Variants in FRMD4A observed in about 807,000 individuals in gnomAD.
FRMD4A encodes FERM domain containing 4A, also known as FERM domain-containing protein 4A.
FRMD4A carries 29 observed loss-of-function variants against 129.1 expected under a neutral mutation model. The observed-to-expected ratio is 0.22, with a 90% CI of 0.17 to 0.31. The LOEUF (loss-of-function observed/expected upper bound fraction) is 0.31. FRMD4A is among the 10% of genes least tolerant of loss of function. The pLI is 1.00. For synonymous variants in FRMD4A, 634 were observed against 571.6 expected (o/e 1.11, Z -1.56); for missense variants, 1,272 against 1,375.8 (o/e 0.92, Z 1.19).
At chr10:14,315,830 T>A (rs1312115406) in intron 2 of FRMD4A, among the ~76,000 whole-genome samples, 1 of 152,232 alleles carries the variant, frequency 6.6e-6, no homozygotes, top group Non-Finnish European at 1.5e-5. Flanking sequence ...TACTAGCTCC[T>A]CTCACATGCC....
At chr10:13,940,386 C>A (rs748878325) in intron 2 of FRMD4A, among the ~76,000 whole-genome samples, 7 of 152,114 alleles carry the variant, frequency 4.6e-5, no homozygotes, top group Non-Finnish European at 1.0e-4. Context: ...AATGTGAGGT[C>A]TTTCCTACTG....
chr10:14,090,121 C>T (rs1401076971), intron 2 of FRMD4A, among the ~76,000 whole-genome samples: 6 of 152,074 alleles, frequency 3.9e-5, no homozygotes, highest in African/African-American at 1.5e-4. Context: ...TAGAAATAAC[C>T]GTAAGGGAAA....
intron 2 of FRMD4A, among the ~76,000 whole-genome samples, chr10:14,257,764 G>A (rs1053924296): frequency 2.6e-5 from 4 of 152,160 alleles, no homozygotes; most frequent in Admixed American, 1.3e-4. Flanking sequence ...AGTGCCACCC[G>A]CCACCAGAAG....
At chr10:13,914,151 G>A (rs888825565) in intron 2 of FRMD4A, among the ~76,000 whole-genome samples, 5 of 152,246 alleles carry the variant, frequency 3.3e-5, no homozygotes, top group African/African-American at 1.2e-4. Context: ...ATGCATGTTG[G>A]CCTAATTTCC....
chr10:14,057,343 T>A (rs111358665), intron 2 of FRMD4A, among the ~76,000 whole-genome samples: 1 of 152,176 alleles, frequency 6.6e-6, no homozygotes, highest in Non-Finnish European at 1.5e-5. Flanking sequence ...ATAAGCTGAA[T>A]ATAGTATCTT....
chr10:14,214,779 T>C (rs980295298), intron 2 of FRMD4A, among the ~76,000 whole-genome samples: 2 of 152,188 alleles, frequency 1.3e-5, no homozygotes, highest in Non-Finnish European at 2.9e-5. Flanking sequence ...AATTGTAGCA[T>C]TCTGTGAAAT....
chr10:13,987,649 T>C (rs899421545), intron 2 of FRMD4A, among the ~76,000 whole-genome samples: 1 of 152,128 alleles, frequency 6.6e-6, no homozygotes, highest in Admixed American at 6.6e-5. Flanking sequence ...GTTATAGAAA[T>C]GAGTGACTCA....
chr10:13,877,183 T>C (rs758106315), intron 2 of FRMD4A, among the ~76,000 whole-genome samples: 1 of 152,170 alleles, frequency 6.6e-6, no homozygotes, highest in Non-Finnish European at 1.5e-5. Flanking sequence ...GTTTTCCAAA[T>C]TCCACCCTTG....
rs753345980 is a variant in FRMD4A at position 13,657,294 on chromosome 10, G to A, written c.2295C>T (p.Asn765=). 3 of 1,609,266 alleles carry A rather than the reference G, an allele frequency of 1.9e-6. No homozygotes were observed. The highest frequency in any genetic ancestry group is 2.7e-5 in the African/African-American group (2 of 74,898). The stretch of plus-strand genomic sequence containing the variant: ...CCTCGGCCAGCGTGGAGTAGTTGGC[G>A]TTCATCTGCGCCGGGTAGTAGTGCT... ...SSEHYYPAQM[N]ANYSTLAEDS... is the part of the protein sequence containing the mutation. Residue 765 remains asparagine, a synonymous_variant, in exon 22 of 25, where the codon AAC becomes AAT. Transcript: ENST00000357447.
chr10:14,089,640 C>CAAAAAAAAAAAAAAAAAAAAAAAAAAAA (rs759243260), intron 2 of FRMD4A, among the ~76,000 whole-genome samples: 1 of 70,270 alleles, frequency 1.4e-5, no homozygotes, highest in East Asian at 3.6e-4. Context: ...CAAAAAAAAA[C>CAAAAAAAAAAAAAAAAAAAAAAAAAAAA]AAACAAAAAA....
At chr10:13,846,604 T>C (rs1188936827) in intron 3 of FRMD4A, among the ~76,000 whole-genome samples, 1 of 152,218 alleles carries the variant, frequency 6.6e-6, no homozygotes, top group African/African-American at 2.4e-5. Context: ...CCTGCAATTG[T>C]AAAGTTCAAG....
chr10:13,707,426 A>C (rs2087574547), intron 12 of FRMD4A: 1 of 1,067,914 alleles, frequency 9.4e-7, no homozygotes, highest in African/African-American at 1.6e-5. Flanking sequence ...CCAGCTTGGC[A>C]GACTTTTCCC....
chr10:14,144,990 G>T (rs758083042), intron 2 of FRMD4A, among the ~76,000 whole-genome samples: 1 of 152,190 alleles, frequency 6.6e-6, no homozygotes, highest in Admixed American at 6.5e-5. Context: ...ATGCCTGGTG[G>T]AACTGTGGGT....
intron 2 of FRMD4A, among the ~76,000 whole-genome samples, chr10:14,106,340 C>T (rs1284277860): frequency 1.3e-5 from 2 of 152,084 alleles, no homozygotes; most frequent in African/African-American, 2.4e-5. Context: ...AATTTCTTTG[C>T]TTCCTGGTGT....
chr10:14,017,764 G>A (rs2095703828), intron 2 of FRMD4A, among the ~76,000 whole-genome samples: 1 of 152,204 alleles, frequency 6.6e-6, no homozygotes, highest in Non-Finnish European at 1.5e-5. Flanking sequence ...TTTGCTCATG[G>A]ACATCTGGGA....
intron 7 of FRMD4A, among the ~76,000 whole-genome samples, chr10:13,762,399 C>T (rs969964803): frequency 2.6e-5 from 4 of 152,244 alleles, no homozygotes; most frequent in South Asian, 2.1e-4. Context: ...CACACAACTT[C>T]GCTTTACAGG....
chr10:14,214,010 G>T (rs1452023468), intron 2 of FRMD4A, among the ~76,000 whole-genome samples: 2 of 152,214 alleles, frequency 1.3e-5, no homozygotes, highest in African/African-American at 4.8e-5. Context: ...TGATGGTTTT[G>T]TAAAGGGCAG....
rs750719287 is a variant in FRMD4A, at chr10:13,657,233, G to GCTGCCT, written c.2350_2355dup (p.Gln787_Arg788dup). 4.7e-5 allele frequency: 74 copies of GCTGCCT among 1,578,152 alleles called. No individual in the cohort carries two copies. The highest frequency in any genetic ancestry group is 3.6e-4 in the Middle Eastern group (2 of 5,630). On this transcript the variant is annotated inframe_insertion, in exon 22 of 25. Coordinates refer to ENST00000357447, the MANE Select transcript of FRMD4A (RefSeq NM_018027.5). ...CCCAGTGCGCCCGCCGCCCGCTGCCGCTGCCTCTGCCTCTGGCGCGCCTTG... is the reference window on the plus strand; with the variant it reads ...CCCAGTGCGCCCGCCGCCCGCTGCCGCTGCCTCTGCCTCTGCCTCTGGCGCGCCTTG...
At chr10:13,999,516 T>C (rs1588718083) in intron 2 of FRMD4A, among the ~76,000 whole-genome samples, 1 of 152,218 alleles carries the variant, frequency 6.6e-6, no homozygotes, top group East Asian at 1.9e-4. Flanking sequence ...AATGTTCCAA[T>C]AGAGTGATTG....
Sources: gnomAD v4.1 joint callset for allele counts (sites outside exome capture counted in the v4.1 genomes callset) on GRCh38, gnomAD v4.1.1 for gene constraint, MANE v1.5 for transcripts, NCBI Gene and HGNC (gene_info 2026-07-23, HGNC 2026-07-21) for gene names.